Variants in SH2D3C observed in about 807,000 individuals in gnomAD.
SH2D3C encodes SH2 domain-containing protein 3C.
Under a neutral mutation model 75.2 loss-of-function variants are expected in SH2D3C, and 25 were observed. The observed-to-expected ratio is 0.33, with a 90% CI of 0.24 to 0.46. The LOEUF (loss-of-function observed/expected upper bound fraction) is 0.46, where lower values mean the gene tolerates loss of function less well. SH2D3C is among the 20% of genes least tolerant of loss of function. SH2D3C has a pLI of 1.00. For missense variants in SH2D3C, 933 were observed against 1,165.3 expected, an observed-to-expected ratio of 0.80 and a Z score of 2.90; for synonymous variants, 450 against 473.7, an observed-to-expected ratio of 0.95 and a Z score of 0.65.
At chr9:127,773,779 G>A (rs1393037138) in intron 2 of SH2D3C, among the ~76,000 whole-genome samples, 2 of 152,020 alleles carry the variant, frequency 1.3e-5, no homozygotes, top group Admixed American at 6.6e-5. Flanking sequence ...TTAGCCAAGA[G>A]TGGTGTTGGG....
At chr9:127,750,672 T>C (rs1051353909) in intron 4 of SH2D3C, among the ~76,000 whole-genome samples, 6 of 152,244 alleles carry the variant, frequency 3.9e-5, no homozygotes, top group Non-Finnish European at 8.8e-5. Flanking sequence ...GCACAGGTCC[T>C]GGCAGAGTTG....
chr9:127,769,484 A>AACAC (rs527575342), intron 2 of SH2D3C, among the ~76,000 whole-genome samples: 30 of 149,942 alleles, frequency 2.0e-4, no homozygotes, highest in Admixed American at 6.7e-4. Flanking sequence ...CTCTACTAAA[A>AACAC]ACACACACAC....
At chr9:127,746,441 A>G (rs1845032882) in intron 6 of SH2D3C, among the ~76,000 whole-genome samples, 1 of 152,244 alleles carries the variant, frequency 6.6e-6, no homozygotes, top group Non-Finnish European at 1.5e-5. Context: ...ATAAGAAAGC[A>G]CAGTGTTCCG....
chr9:127,742,774 C>A, intron 8 of SH2D3C, 75 bp downstream of exon 8: 1 of 1,192,238 alleles, frequency 8.4e-7, no homozygotes, highest in Non-Finnish European at 1.2e-6. Flanking sequence ...TGTGATTGGC[C>A]AACCCGCCCC....
At chr9:127,761,906 G>T (rs559509320) in intron 2 of SH2D3C, among the ~76,000 whole-genome samples, 2 of 152,154 alleles carry the variant, frequency 1.3e-5, no homozygotes, top group African/African-American at 4.8e-5. Context: ...CTGCCTAATG[G>T]CATTGACTCA....
chr9:127,773,930 AAG>A, intron 2 of SH2D3C, 58 bp downstream of exon 2: 1 of 1,036,204 alleles, frequency 9.7e-7, no homozygotes, highest in Non-Finnish European at 1.4e-6. Flanking sequence ...AAAAAAAAAA[AAG>A]AAAAAGAAAA....
In SH2D3C at chr9:127,747,153, T is replaced by C. The variant is rs1478791978; in HGVS notation, c.1258A>G (p.Ser420Gly). ...CCCCCTCTGCTGGCCATACCAGTGC[T>C]GTAGGCAGGGGAGCTAGGGCTCTCG... ...ISESPSSPAYSTVTRVHAAPA... is the reference protein window; with the variant it reads ...ISESPSSPAYGTVTRVHAAPA... Residue 420 changes from serine to glycine, a missense_variant, in exon 6 of 12, where the codon AGC (serine) becomes GGC (glycine). By Grantham distance (56) the Ser-to-Gly change is moderately conservative (BLOSUM62 0). Coordinates refer to ENST00000314830, the MANE Select transcript of SH2D3C (RefSeq NM_170600.3). The C allele has an allele frequency of 1.9e-6, 3 of 1,613,882 alleles. No homozygotes were observed. The highest frequency in any genetic ancestry group is 1.3e-5 in the African/African-American group (1 of 75,042).
In SH2D3C at chr9:127,774,650, G is replaced by A. The variant is rs79456747; in HGVS notation, c.38-183C>T. On this transcript the variant is annotated intron_variant, in intron 1 of 11. Transcript: ENST00000314830. This position sits in a 1 kb window ranked among gnomAD's most constrained non-coding sequence, Gnocchi z 4.3. ...TATAAGATGGGAGCTTTGGAGTCACGGGGCCCTGGACTTGAATTCCTGCTC... is the reference window on the plus strand; with the variant it reads ...TATAAGATGGGAGCTTTGGAGTCACAGGGCCCTGGACTTGAATTCCTGCTC... Among the ~76,000 whole-genome samples the A allele has an allele frequency of 0.034, 5,203 of 152,160 alleles. 301 individuals carry two copies. Among genetic ancestry groups the A allele is most frequent in the African/African-American group, 0.12 (4,887 of 41,492 alleles).
chr9:127,762,278 T>TCCTC (rs1380445666), intron 2 of SH2D3C: 20 of 1,250,370 alleles, frequency 1.6e-5, no homozygotes, highest in Non-Finnish European at 2.1e-5. Flanking sequence ...TTTCCTTCCT[T>TCCTC]CCTCCTGAGG....
At chr9:127,756,066 G>A (rs983646372) in intron 3 of SH2D3C, among the ~76,000 whole-genome samples, 2 of 152,170 alleles carry the variant, frequency 1.3e-5, no homozygotes, top group African/African-American at 4.8e-5. Context: ...CTGGGAGACC[G>A]GGGCAAGTGC....
chr9:127,778,528 G>A, intron 1 of SH2D3C, 63 bp downstream of exon 1: 1 of 1,163,364 alleles, frequency 8.6e-7, no homozygotes, highest in Non-Finnish European at 1.3e-6. Flanking sequence ...AGAAACAGAT[G>A]CAGAGAGAGG....
Position 127,761,737 on chromosome 9 carries a change from C to T in SH2D3C, c.516-87G>A, listed in dbSNP as rs1347956812. 6.0e-6 allele frequency: 7 copies of T among 1,162,690 alleles called. No homozygotes were observed. The Admixed American group carries it at 7.6e-5, about 13-fold the overall frequency. The allele number at this position is 1,162,690 out of a possible 1,614,324, so 72.0% of individuals were successfully genotyped here. ...CTTGCCTGCCTGCCTGGGGCCAGCA[C>T]CTGGCCCTTAGGACCCCAGCAGGAT... On this transcript the variant is annotated intron_variant, in intron 2 of 11. Transcript: ENST00000314830.
At chr9:127,764,201 CT>C (rs1470544607) in intron 2 of SH2D3C, among the ~76,000 whole-genome samples, 2 of 152,286 alleles carry the variant, frequency 1.3e-5, no homozygotes, top group East Asian at 3.9e-4. Context: ...TGGCCAGAGC[CT>C]ATAGGGGTGC....
At chr9:127,746,428 T>C (rs1028753734) in intron 6 of SH2D3C, among the ~76,000 whole-genome samples, 4 of 152,224 alleles carry the variant, frequency 2.6e-5, no homozygotes, top group Non-Finnish European at 5.9e-5. Context: ...TTTCTTCGTA[T>C]TTATAAGAAA....
intron 8 of SH2D3C, 97 bp downstream of exon 8, chr9:127,742,752 C>T: frequency 1.2e-6 from 1 of 848,524 alleles, no homozygotes; most frequent in South Asian, 1.7e-5. Flanking sequence ...CCCCTGGGAG[C>T]CGAGCTGAGG....
At position 127,745,030 on chromosome 9, in the gene SH2D3C, C is replaced by T. The variant is rs776057887; in HGVS notation, c.1334G>A (p.Arg445His). 90 of 1,510,764 alleles carry T rather than the reference C, an allele frequency of 6.0e-5. No homozygotes were observed. Among genetic ancestry groups the T allele is most frequent in the Admixed American group, 1.8e-4 (8 of 43,966 alleles). The allele number at this position is 1,510,764 out of a possible 1,614,324, so 93.6% of individuals were successfully genotyped here. A position where few individuals can be genotyped will look rare whatever the true frequency, so the allele number is the denominator to read the frequency against. Residue 445 changes from arginine (R) to histidine (H), a missense_variant, in exon 7 of 12, where the codon CGT (arginine) becomes CAT (histidine). Coordinates refer to ENST00000314830, the MANE Select transcript of SH2D3C (RefSeq NM_170600.3). Reference sequence around the variant, plus strand: ...GGGACACAGCTGGGGCTCACTGGAACGGCGGGCGACAGGGGAGGCAGGCAA... The same window carrying T: ...GGGACACAGCTGGGGCTCACTGGAATGGCGGGCGACAGGGGAGGCAGGCAA... ...TALPASPVARRSSEPQLCPGS... is the reference protein window; with the variant it reads ...TALPASPVARHSSEPQLCPGS...
intron 2 of SH2D3C, among the ~76,000 whole-genome samples, chr9:127,766,449 G>C (rs1336714118): frequency 6.6e-6 from 1 of 152,222 alleles, no homozygotes; most frequent in East Asian, 1.9e-4. Flanking sequence ...GGGGTGCAAG[G>C]TTTCCTGGCC....
chr9:127,753,313 A>AG (rs906571525), intron 3 of SH2D3C, among the ~76,000 whole-genome samples: 4 of 151,842 alleles, frequency 2.6e-5, no homozygotes, highest in African/African-American at 9.7e-5. Context: ...AGCAGGGCGG[A>AG]GGGGTCAGAG....
chr9:127,755,118 G>A (rs1347434914), intron 3 of SH2D3C: 7 of 1,219,186 alleles, frequency 5.7e-6, no homozygotes, highest in Non-Finnish European at 6.1e-6. Flanking sequence ...AGCAGCAGGC[G>A]GCGGCCGACA....
Sources: allele counts gnomAD v4.1 joint callset (sites outside exome capture counted in the v4.1 genomes callset), GRCh38; gene constraint gnomAD v4.1.1; non-coding constraint Gnocchi (gnomAD v3.1); transcripts MANE v1.5; gene names NCBI Gene and HGNC (gene_info 2026-07-23, HGNC 2026-07-21).